ATP10B: variants seen among roughly 807,000 people sequenced by gnomAD.
ATP10B encodes phospholipid-transporting ATPase VB.
A neutral mutation model predicts 141.2 loss-of-function variants in ATP10B; 122 were observed. That is an observed-to-expected ratio of 0.86 (90% confidence interval 0.75 to 1.00). The LOEUF is 1.00. ATP10B is among the 50% of genes least tolerant of loss of function. The pLI is 0.00. For synonymous variants in ATP10B, 685 were observed against 692.0 expected (o/e 0.99, Z 0.16); for missense variants, 1,876 against 1,825.3 (o/e 1.03, Z -0.51).
At chr5:160,786,441 A>T (rs955598359) in intron 1 of ATP10B, among the ~76,000 whole-genome samples, 1 of 152,172 alleles carries the variant, frequency 6.6e-6, no homozygotes, top group African/African-American at 2.4e-5. Context: ...TTTTAAAAAA[A>T]TCCTCACCAA....
chr5:160,604,430 G>C (rs1051750656), intron 19 of ATP10B, among the ~76,000 whole-genome samples: 1 of 152,164 alleles, frequency 6.6e-6, no homozygotes, highest in Non-Finnish European at 1.5e-5. Flanking sequence ...AATTCCACTA[G>C]AGAAAGGACC....
chr5:160,650,556 G>C (rs1269486488), intron 7 of ATP10B, among the ~76,000 whole-genome samples: 5 of 152,104 alleles, frequency 3.3e-5, no homozygotes, highest in Admixed American at 3.3e-4. Flanking sequence ...GGTGTCTAAA[G>C]GAACTCCCCA....
chr5:160,620,379 A>T lies in ATP10B; in HGVS notation c.2384T>A (p.Val795Asp). 6.2e-7 allele frequency: 1 copy of T among 1,613,354 alleles called. No homozygotes were observed. ...IVVYTKGADSVIMDLLEDPAC... is the reference protein window; with the variant it reads ...IVVYTKGADSDIMDLLEDPAC... ...TGGGTCTTCCAGCAGGTCCATGATG[A>T]CCGAGTCAGCACCCTTGGTGTAGAC... Residue 795 changes from valine to aspartate, a missense_variant, in exon 15 of 26, where the codon GTC (valine) becomes GAC (aspartate). Val to Asp is a radical substitution (Grantham distance 152, BLOSUM62 -3). Coordinates refer to ENST00000327245, the MANE Select transcript of ATP10B (RefSeq NM_025153.3).
intron 13 of ATP10B, among the ~76,000 whole-genome samples, chr5:160,622,816 T>C (rs2127651590): frequency 6.6e-6 from 1 of 152,342 alleles, no homozygotes; most frequent in Non-Finnish European, 1.5e-5. Context: ...TCTCAGTGTC[T>C]TCCCACCATT....
the ATP10B span, among the ~76,000 whole-genome samples, chr5:160,902,003 C>T: frequency 6.6e-6 from 1 of 152,130 alleles, no homozygotes; most frequent in African/African-American, 2.4e-5. Flanking sequence ...CATCAGAGAC[C>T]ACGATCCAAG....
intron 1 of ATP10B, among the ~76,000 whole-genome samples, chr5:160,814,208 C>A (rs1773413116): frequency 1.3e-5 from 2 of 151,964 alleles, no homozygotes; most frequent in South Asian, 2.1e-4. Flanking sequence ...AAGTTCGAAC[C>A]CATGGCAAAG....
chr5:160,640,631 G>C, intron 9 of ATP10B, 39 bp from the exon 10 acceptor site: 2 of 1,610,826 alleles, frequency 1.2e-6, no homozygotes, highest in Non-Finnish European at 1.7e-6. Flanking sequence ...CTTAGTTCCT[G>C]TTTGCCTATG....
In ATP10B at chr5:160,606,991, T is replaced by C. The variant is rs1561648078; in HGVS notation, c.2934A>G (p.Leu978=). 6 of 1,614,158 alleles carry C rather than the reference T, an allele frequency of 3.7e-6. No homozygotes were observed. The highest frequency in any genetic ancestry group is 4.5e-5 in the East Asian group (2 of 44,878). ...KPDRKLFGFR[L]PSKTPSITSE... is the part of the protein sequence containing the mutation. Reference sequence around the variant, plus strand: ...AGGTGATGGATGGTGTCTTGGAAGGTAAGCGGAATCCAAAGAGCTTGCGGT... The same window carrying C: ...AGGTGATGGATGGTGTCTTGGAAGGCAAGCGGAATCCAAAGAGCTTGCGGT... Residue 978 remains leucine (L), a synonymous_variant, in exon 19 of 26, where the codon TTA becomes TTG. Coordinates refer to ENST00000327245, the MANE Select transcript of ATP10B (RefSeq NM_025153.3).
chr5:160,610,027 C>G (rs1757626366), intron 18 of ATP10B, among the ~76,000 whole-genome samples: 1 of 152,120 alleles, frequency 6.6e-6, no homozygotes, highest in African/African-American at 2.4e-5. Flanking sequence ...AGTATACCTC[C>G]TATACTGTGG....
the ATP10B span, among the ~76,000 whole-genome samples, chr5:160,871,625 T>C: frequency 1.3e-5 from 2 of 152,174 alleles, no homozygotes; most frequent in African/African-American, 4.8e-5. Flanking sequence ...CGATGTTTGG[T>C]TTTCCATTCC....
At position 160,648,926 on chromosome 5, in the gene ATP10B, G is replaced by GTTT. The variant is rs367848503; in HGVS notation, c.761+242_761+244dup. ...TTGATTTTGATGCTATTTTACTAAGGTTTTTTTTTTTTTTTTTAACAACAT... is the reference window on the plus strand; with the variant it reads ...TTGATTTTGATGCTATTTTACTAAGGTTTTTTTTTTTTTTTTTTTTAACAACAT... On this transcript the variant is annotated intron_variant, in intron 8 of 25. Transcript: ENST00000327245. Among the ~76,000 whole-genome samples, 234 of 131,058 alleles carry GTTT rather than the reference G, an allele frequency of 1.8e-3. 3 individuals are homozygous for GTTT. Among genetic ancestry groups the GTTT allele is most frequent in the Middle Eastern group, 4.0e-3 (1 of 250 alleles). 86.0% of individuals were successfully genotyped at this position (131,058 alleles called of 152,430 possible).
chr5:160,623,243 C>T (rs912748740), intron 13 of ATP10B, among the ~76,000 whole-genome samples: 3 of 152,162 alleles, frequency 2.0e-5, no homozygotes, highest in Non-Finnish European at 2.9e-5. Context: ...CCCGCTTGTC[C>T]GTGAGATCCT....
rs370292751 is a variant in ATP10B at position 160,695,869 on chromosome 5, CA to C, written c.-204-6927del. Among the ~76,000 whole-genome samples, 28 of 151,318 alleles carry C rather than the reference CA, an allele frequency of 1.9e-4. No homozygotes were observed. In the East Asian group the frequency reaches 5.1e-3, roughly 27 times the overall value. On this transcript the variant is annotated intron_variant, in intron 3 of 25. Transcript: ENST00000327245. ...TTTTTAAAGCACTCTACCCTGAGGA[CA>C]AAATGTGTAAATCGCAGGAAAAAAA...
the ATP10B span, among the ~76,000 whole-genome samples, chr5:160,867,390 C>T: frequency 6.6e-6 from 1 of 151,922 alleles, no homozygotes; most frequent in South Asian, 2.1e-4. Context: ...TGTGTCTATA[C>T]TAAATATATA....
At chr5:160,709,124 G>A (rs1765200052) in intron 3 of ATP10B, among the ~76,000 whole-genome samples, 1 of 152,060 alleles carries the variant, frequency 6.6e-6, no homozygotes, top group African/African-American at 2.4e-5. Context: ...TAAATTCTAA[G>A]TGCATTAAAG....
At chr5:160,833,107 G>A (rs1184519477) in intron 1 of ATP10B, among the ~76,000 whole-genome samples, 2 of 152,134 alleles carry the variant, frequency 1.3e-5, no homozygotes, top group Non-Finnish European at 2.9e-5. Flanking sequence ...CTGGTGGCAG[G>A]CTAGTATGAT....
At chr5:160,731,722 G>A (rs1351919453) in intron 2 of ATP10B, among the ~76,000 whole-genome samples, 1 of 152,116 alleles carries the variant, frequency 6.6e-6, no homozygotes, top group Non-Finnish European at 1.5e-5. Flanking sequence ...AAAGAAGGGG[G>A]AAGATCCAGA....
chr5:160,590,056 G>A (rs1195495395), intron 23 of ATP10B, among the ~76,000 whole-genome samples: 2 of 152,104 alleles, frequency 1.3e-5, no homozygotes, highest in Non-Finnish European at 2.9e-5. Flanking sequence ...ACAATTTAAG[G>A]AAGTACGTGC....
At chr5:160,589,498 G>T in intron 24 of ATP10B, 94 bp downstream of exon 24, 2 of 955,652 alleles carry the variant, frequency 2.1e-6, no homozygotes, top group Non-Finnish European at 3.4e-6. Flanking sequence ...TTATTGAGTG[G>T]ATTGATAACA....
Sources: allele counts gnomAD v4.1 joint callset (sites outside exome capture counted in the v4.1 genomes callset), GRCh38; gene constraint gnomAD v4.1.1; transcripts MANE v1.5; gene names NCBI Gene and HGNC (gene_info 2026-07-23, HGNC 2026-07-21).